The following OPCML variants were observed in gnomAD, a reference collection of about 807,000 sequenced individuals.
OPCML encodes opioid-binding protein/cell adhesion molecule.
In OPCML, 13 loss-of-function variants were observed where a neutral mutation model predicts 37.8. The ratio of observed to expected loss-of-function variants is 0.34; its 90% confidence interval spans 0.22 to 0.55. The LOEUF is 0.55. Ranked by LOEUF, OPCML falls within the 20% of genes least tolerant of loss-of-function variation. The pLI, the probability that OPCML is intolerant of heterozygous loss-of-function variation, is 0.91. For missense variants in OPCML, 341 were observed against 435.6 expected (o/e 0.78, Z 1.93); for synonymous variants, 176 against 168.8 (o/e 1.04, Z -0.33).
At chr11:133,094,902 T>C (rs1232296808) in intron 1 of OPCML, among the ~76,000 whole-genome samples, 1 of 152,080 alleles carries the variant, frequency 6.6e-6, no homozygotes, top group Admixed American at 6.5e-5. Flanking sequence ...ATTAAAATTT[T>C]ACCCCAGTGA....
intron 1 of OPCML, among the ~76,000 whole-genome samples, chr11:133,096,989 C>A (rs1455224393): frequency 1.3e-5 from 2 of 152,058 alleles, no homozygotes; most frequent in Non-Finnish European, 2.9e-5. Context: ...GTGGACAGAT[C>A]CAGCAGGCAG....
chr11:133,499,485 C>T (rs2120519899), intron 1 of OPCML, among the ~76,000 whole-genome samples: 1 of 152,146 alleles, frequency 6.6e-6, no homozygotes, highest in East Asian at 1.9e-4. Context: ...GGAACCTTAA[C>T]CCCTTTGCCA....
chr11:132,982,048 G>T (rs1315497035), intron 1 of OPCML, among the ~76,000 whole-genome samples: 1 of 152,138 alleles, frequency 6.6e-6, no homozygotes, highest in African/African-American at 2.4e-5. Flanking sequence ...GCCGAGCCTT[G>T]TCCTGGATTC....
At chr11:133,342,109 CA>C (rs1943883769) in intron 1 of OPCML, among the ~76,000 whole-genome samples, 2 of 152,088 alleles carry the variant, frequency 1.3e-5, no homozygotes, top group African/African-American at 4.8e-5. Context: ...TTGAGGCTTC[CA>C]TGTGATATCT....
intron 1 of OPCML, among the ~76,000 whole-genome samples, chr11:133,409,244 G>A (rs61912399): frequency 0.022 from 3,322 of 152,284 alleles, 53 homozygotes; most frequent in Non-Finnish European, 0.033. Flanking sequence ...CAGACAGCGC[G>A]ACTCCAGAGC....
intron 1 of OPCML, among the ~76,000 whole-genome samples, chr11:133,160,224 G>A (rs987477534): frequency 6.6e-6 from 1 of 152,174 alleles, no homozygotes; most frequent in Admixed American, 6.5e-5. Context: ...TTCCAAGAGG[G>A]GCGAAGTAAA....
At chr11:133,410,403 G>C (rs976484936) in intron 1 of OPCML, among the ~76,000 whole-genome samples, 1 of 151,940 alleles carries the variant, frequency 6.6e-6, no homozygotes, top group Non-Finnish European at 1.5e-5. Context: ...CTACATCTGT[G>C]GTTGTTGGGA....
chr11:132,932,998 T>C (rs1316213024), intron 2 of OPCML, among the ~76,000 whole-genome samples: 1 of 152,120 alleles, frequency 6.6e-6, no homozygotes, highest in East Asian at 1.9e-4. Flanking sequence ...AACCTCTTGA[T>C]AGAGGTTATA....
intron 4 of OPCML, among the ~76,000 whole-genome samples, chr11:132,456,961 T>C (rs2096084622): frequency 6.6e-6 from 1 of 152,094 alleles, no homozygotes; most frequent in Admixed American, 6.5e-5. Flanking sequence ...CTGGCAGTCT[T>C]GATGTGATGA....
At chr11:132,786,446 C>CT (rs1947214872) in intron 2 of OPCML, among the ~76,000 whole-genome samples, 1 of 152,180 alleles carries the variant, frequency 6.6e-6, no homozygotes, top group Non-Finnish European at 1.5e-5. Flanking sequence ...AGTGATTTCA[C>CT]TATCACTTCT....
rs543360832 is a variant in OPCML, at chr11:133,247,221, G to A, written c.61+285043C>T. Among the ~76,000 whole-genome samples the A allele has an allele frequency of 2.6e-5, 4 of 152,316 alleles. No homozygotes were observed. The South Asian group carries it at 8.3e-4, about 32-fold the overall frequency. On this transcript the variant is annotated intron_variant, in intron 1 of 7. Coordinates refer to ENST00000524381, the MANE Select transcript of OPCML (RefSeq NM_001012393.5). ...CCTGAAAAATAATCACATATGAAGG[G>A]TGGGCTAGTGAGGGAAACTGAATAG...
At chr11:132,648,410 C>T (rs1187784777) in intron 3 of OPCML, among the ~76,000 whole-genome samples, 1 of 152,148 alleles carries the variant, frequency 6.6e-6, no homozygotes, top group African/African-American at 2.4e-5. Context: ...ATTTTCCTTC[C>T]ATCTCCACAT....
chr11:133,122,545 A>C lies in OPCML; in HGVS notation c.62-179535T>G, dbSNP rs143296725. On this transcript the variant is annotated intron_variant, in intron 1 of 7. Transcript: ENST00000524381. ...CCTCCTGGGTGCTTAGATTTCTCACATTCCAGCACATGCACATGGTCTGAC... is the reference window on the plus strand; with the variant it reads ...CCTCCTGGGTGCTTAGATTTCTCACCTTCCAGCACATGCACATGGTCTGAC... 3.6e-3 allele frequency among the ~76,000 whole-genome samples: 553 copies of C among 152,184 alleles called. 4 individuals are homozygous for C. The highest frequency in any genetic ancestry group is 0.011 in the African/African-American group (447 of 41,526).
intron 2 of OPCML, among the ~76,000 whole-genome samples, chr11:132,856,426 G>GC (rs370175554): frequency 2.0e-5 from 3 of 152,076 alleles, no homozygotes; most frequent in Middle Eastern, 3.2e-3. Flanking sequence ...GAGGCCCCCC[G>GC]CTCCAGGAAT....
chr11:132,779,453 T>A (rs1363843406), intron 2 of OPCML, among the ~76,000 whole-genome samples: 1 of 152,050 alleles, frequency 6.6e-6, no homozygotes, highest in Non-Finnish European at 1.5e-5. Context: ...TGTGTTCATA[T>A]TGGAATGGAA....
intron 2 of OPCML, among the ~76,000 whole-genome samples, chr11:132,818,446 G>T (rs944160029): frequency 1.3e-5 from 2 of 151,588 alleles, no homozygotes; most frequent in Non-Finnish European, 2.9e-5. Flanking sequence ...GCGCAAGAGG[G>T]CATGCTGTCA....
At chr11:132,638,017 T>A (rs2135713541) in intron 3 of OPCML, among the ~76,000 whole-genome samples, 1 of 152,254 alleles carries the variant, frequency 6.6e-6, no homozygotes, top group African/African-American at 2.4e-5. Context: ...ACTTAGGAAC[T>A]AATATCATAT....
chr11:132,950,869 G>T (rs1945842286), intron 1 of OPCML, among the ~76,000 whole-genome samples: 1 of 152,142 alleles, frequency 6.6e-6, no homozygotes, highest in African/African-American at 2.4e-5. Flanking sequence ...ACATTGTTTG[G>T]AGATGAGGCC....
chr11:133,045,237 G>T (rs992339531), intron 1 of OPCML, among the ~76,000 whole-genome samples: 2 of 152,158 alleles, frequency 1.3e-5, no homozygotes, highest in Non-Finnish European at 2.9e-5. Flanking sequence ...TCTGATTCAT[G>T]TCACATCGTT....
Sources: gnomAD v4.1 joint callset for allele counts (sites outside exome capture counted in the v4.1 genomes callset) on GRCh38, gnomAD v4.1.1 for gene constraint, MANE v1.5 for transcripts, NCBI Gene and HGNC (gene_info 2026-07-23, HGNC 2026-07-21) for gene names.